RNLS: variants seen among roughly 807,000 people sequenced by gnomAD.
RNLS encodes the protein renalase, FAD dependent amine oxidase, also known as renalase.
Under a neutral mutation model 39.8 loss-of-function variants are expected in RNLS, and 39 were observed. The observed-to-expected ratio is 0.98, with a 90% CI of 0.76 to 1.28. RNLS has a LOEUF of 1.28. Among genes scored for constraint, RNLS ranks in the 50% most tolerant of loss-of-function variants. The pLI is 0.00. For synonymous variants in RNLS, 147 were observed against 150.7 expected, an observed-to-expected ratio of 0.98 and a Z score of 0.18; for missense variants, 410 against 413.3, an observed-to-expected ratio of 0.99 and a Z score of 0.07.
chr10:88,291,818 T>A (rs1004498145), intron 6 of RNLS, among the ~76,000 whole-genome samples: 1 of 152,148 alleles, frequency 6.6e-6, no homozygotes, highest in Admixed American at 6.5e-5. Context: ...TTCCTCTAGA[T>A]GCCGCTGCAA....
chr10:88,452,438 G>C (rs1006618713), intron 4 of RNLS, among the ~76,000 whole-genome samples: 7 of 152,124 alleles, frequency 4.6e-5, no homozygotes, highest in Admixed American at 2.6e-4. Context: ...TACAGTTTGA[G>C]GTAACATTTT....
rs183392087 is a variant in RNLS at position 88,442,039 on chromosome 10, C to T, written c.527-79314G>A. Among the ~76,000 whole-genome samples the T allele has an allele frequency of 7.4e-4, 112 of 152,282 alleles. 1 individual carries two copies. Among genetic ancestry groups the T allele is most frequent in the South Asian group, 7.0e-3 (34 of 4,826 alleles). ...ACAGGAATGACAGGCTCACATAACA[C>T]GACAGGAGGCTGGGAACATTTCTTT... On this transcript the variant is annotated intron_variant, in intron 4 of 6. Transcript: ENST00000331772.
At chr10:88,309,283 A>C in intron 6 of RNLS, 1 of 698,506 alleles carries the variant, frequency 1.4e-6, no homozygotes, top group Non-Finnish European at 2.1e-6. Context: ...AAAAGTTAAA[A>C]AATAAGGAAA....
intron 4 of RNLS, among the ~76,000 whole-genome samples, chr10:88,450,470 C>T (rs1218285655): frequency 6.6e-6 from 1 of 152,096 alleles, no homozygotes; most frequent in African/African-American, 2.4e-5. Context: ...AAGAGAGCAG[C>T]TGAGAGGTTT....
At chr10:88,334,714 CT>C (rs993017997) in intron 5 of RNLS, among the ~76,000 whole-genome samples, 9 of 151,926 alleles carry the variant, frequency 5.9e-5, no homozygotes, top group African/African-American at 1.9e-4. Context: ...TTTTACATTT[CT>C]TTTTTTTCCC....
chr10:88,271,906 A>G (rs1173813425), downstream of RNLS, among the ~76,000 whole-genome samples: 1 of 152,250 alleles, frequency 6.6e-6, no homozygotes, highest in Non-Finnish European at 1.5e-5. Context: ...CACGAAGGCC[A>G]GGACAGATAG....
At chr10:88,455,881 A>G (rs1048623749) in intron 4 of RNLS, among the ~76,000 whole-genome samples, 11 of 152,180 alleles carry the variant, frequency 7.2e-5, no homozygotes, top group African/African-American at 2.7e-4. Flanking sequence ...ATGCCCACTC[A>G]TCATTTGATC....
intron 4 of RNLS, among the ~76,000 whole-genome samples, chr10:88,471,285 T>G (rs907178267): frequency 6.6e-6 from 1 of 152,182 alleles, no homozygotes; most frequent in East Asian, 1.9e-4. Context: ...CTTCAATAAA[T>G]AAGACTGCAA....
chr10:88,381,431 C>T (rs148869823), intron 4 of RNLS, among the ~76,000 whole-genome samples: 2 of 151,814 alleles, frequency 1.3e-5, no homozygotes, highest in Non-Finnish European at 2.9e-5. Context: ...TTCAAATTGG[C>T]CATTGCTGAA....
chr10:88,412,214 T>C (rs12266064), intron 4 of RNLS, among the ~76,000 whole-genome samples: 47,890 of 151,836 alleles, frequency 0.32, 8,616 homozygotes, highest in African/African-American at 0.48. Context: ...ATGGCAGTAG[T>C]AGTGCAGATA....
chr10:88,179,135 T>C, the RNLS span, among the ~76,000 whole-genome samples: 7 of 152,168 alleles, frequency 4.6e-5, no homozygotes, highest in African/African-American at 1.7e-4. Context: ...TTATGTGGAA[T>C]GTTAAAAGTG....
chr10:88,534,212 A>G (rs2134252705), intron 4 of RNLS, among the ~76,000 whole-genome samples: 1 of 152,172 alleles, frequency 6.6e-6, no homozygotes, highest in Admixed American at 6.6e-5. Context: ...AAGTGGTTTA[A>G]ATTTGTTTTA....
intron 4 of RNLS, among the ~76,000 whole-genome samples, chr10:88,374,066 T>C (rs1850776459): frequency 1.3e-5 from 2 of 152,142 alleles, no homozygotes; most frequent in Non-Finnish European, 2.9e-5. Flanking sequence ...TATTAATATA[T>C]AGCTGACACA....
the RNLS span, among the ~76,000 whole-genome samples, chr10:88,223,719 C>A: frequency 6.6e-6 from 1 of 152,120 alleles, no homozygotes; most frequent in East Asian, 1.9e-4. Context: ...CTTTACCCCC[C>A]AATTCTCTTG....
At chr10:88,441,857 G>C (rs528908760) in intron 4 of RNLS, among the ~76,000 whole-genome samples, 2 of 152,298 alleles carry the variant, frequency 1.3e-5, no homozygotes, top group East Asian at 3.9e-4. Context: ...GGTCTTAATG[G>C]GGTTCCTGAG....
At chr10:88,233,489 C>G in the RNLS span, among the ~76,000 whole-genome samples, 1 of 152,188 alleles carries the variant, frequency 6.6e-6, no homozygotes, top group Non-Finnish European at 1.5e-5. Flanking sequence ...ACTGACCTGA[C>G]TTTCCCTGGG....
At chr10:88,325,135 G>A (rs1846499654) in intron 5 of RNLS, among the ~76,000 whole-genome samples, 1 of 152,118 alleles carries the variant, frequency 6.6e-6, no homozygotes, top group African/African-American at 2.4e-5. Context: ...TCAAGTCCCT[G>A]CTTTCACTTC....
chr10:88,346,389 G>A (rs1229977498), intron 5 of RNLS, among the ~76,000 whole-genome samples: 1 of 152,080 alleles, frequency 6.6e-6, no homozygotes, highest in African/African-American at 2.4e-5. Context: ...ATACTATATA[G>A]TCAAGTATTC....
At chr10:88,351,363 G>A (rs962198555) in intron 5 of RNLS, among the ~76,000 whole-genome samples, 3 of 152,132 alleles carry the variant, frequency 2.0e-5, no homozygotes, top group African/African-American at 7.2e-5. Context: ...ATGGTTTTAG[G>A]TCTAACATTT....
Sources: allele counts gnomAD v4.1 joint callset (sites outside exome capture counted in the v4.1 genomes callset), GRCh38; gene constraint gnomAD v4.1.1; transcripts MANE v1.5; gene names NCBI Gene and HGNC (gene_info 2026-07-23, HGNC 2026-07-21).